CDH18: variants seen among roughly 807,000 people sequenced by gnomAD.
CDH18 encodes the protein cadherin 18, also known as cadherin-18.
CDH18 carries 31 observed loss-of-function variants against 67.9 expected under a neutral mutation model. The observed-to-expected ratio is 0.46, with a 90% CI of 0.34 to 0.62. CDH18 has a LOEUF of 0.62. Ranked by LOEUF, CDH18 falls within the 20% of genes least tolerant of loss-of-function variation. The pLI is 0.01. For synonymous variants in CDH18, 362 were observed against 347.2 expected (o/e 1.04, Z -0.48); for missense variants, 890 against 975.5 (o/e 0.91, Z 1.17).
chr5:19,511,014 G>A (rs1452898604), intron 10 of CDH18, among the ~76,000 whole-genome samples: 1 of 152,072 alleles, frequency 6.6e-6, no homozygotes, highest in Non-Finnish European at 1.5e-5. Context: ...GTTTTGCCAT[G>A]TTGGGCAGGC....
intron 6 of CDH18, among the ~76,000 whole-genome samples, chr5:19,605,500 C>T (rs1316488445): frequency 6.6e-6 from 1 of 151,768 alleles, no homozygotes; most frequent in Non-Finnish European, 1.5e-5. Context: ...ACATAGAATA[C>T]AAATTGATAG....
At chr5:20,460,757 G>C (rs1751208782) in intron 1 of CDH18, among the ~76,000 whole-genome samples, 1 of 152,034 alleles carries the variant, frequency 6.6e-6, no homozygotes, top group African/African-American at 2.4e-5. Flanking sequence ...TGTAAATATG[G>C]CAAAATATTA....
intron 6 of CDH18, among the ~76,000 whole-genome samples, chr5:19,593,619 G>A (rs1312231235): frequency 2.4e-5 from 2 of 82,558 alleles, no homozygotes; most frequent in East Asian, 3.4e-4. Context: ...TCCCCCTCCC[G>A]TTCTTCCTCC....
chr5:19,765,025 T>G (rs1426554027), intron 3 of CDH18, among the ~76,000 whole-genome samples: 1 of 152,210 alleles, frequency 6.6e-6, no homozygotes, highest in African/African-American at 2.4e-5. Flanking sequence ...TTAAATTTTT[T>G]TTGGATTTGT....
intron 12 of CDH18, among the ~76,000 whole-genome samples, chr5:19,482,384 G>A (rs1276442786): frequency 1.3e-5 from 2 of 152,106 alleles, no homozygotes; most frequent in East Asian, 1.9e-4. Context: ...CCAAAGTGCT[G>A]GGATTACAGG....
intron 2 of CDH18, among the ~76,000 whole-genome samples, chr5:19,851,464 C>A (rs1783687031): frequency 6.7e-6 from 1 of 148,656 alleles, no homozygotes; most frequent in Admixed American, 6.7e-5. Context: ...TTCCCTTCTT[C>A]CCTTCTACCT....
rs62352782 is a variant in CDH18, at chr5:20,296,407, G to A, written c.-579-40902C>T. Among the ~76,000 whole-genome samples, 841 of 150,858 alleles carry A rather than the reference G, an allele frequency of 5.6e-3. 9 individuals carry two copies. Among genetic ancestry groups the A allele is most frequent in the South Asian group, 0.012 (55 of 4,768 alleles). On this transcript the variant is annotated intron_variant, in intron 1 of 14. Transcript: ENST00000507958. ...CTCCTGAGTAGCTGGGACTACAGGCGCCCGCCACCACGCCTGGATAATTTT... is the reference window on the plus strand; with the variant it reads ...CTCCTGAGTAGCTGGGACTACAGGCACCCGCCACCACGCCTGGATAATTTT...
intron 1 of CDH18, among the ~76,000 whole-genome samples, chr5:20,318,096 G>C (rs1174670246): frequency 6.6e-6 from 1 of 152,128 alleles, no homozygotes; most frequent in Non-Finnish European, 1.5e-5. Context: ...TGTTTTGTTT[G>C]AATTGTTGCA....
At chr5:19,649,255 TTG>T (rs1202400831) in intron 5 of CDH18, among the ~76,000 whole-genome samples, 1 of 152,122 alleles carries the variant, frequency 6.6e-6, no homozygotes, top group Non-Finnish European at 1.5e-5. Flanking sequence ...TCAATAGTAT[TTG>T]TTTGTCCCTT....
At chr5:20,565,480 A>G (rs1758449726) in intron 1 of CDH18, among the ~76,000 whole-genome samples, 1 of 152,058 alleles carries the variant, frequency 6.6e-6, no homozygotes, top group Non-Finnish European at 1.5e-5. Flanking sequence ...GAATCTCTCC[A>G]TCTTCATTGA....
chr5:19,766,445 T>C (rs1773103822), intron 3 of CDH18, among the ~76,000 whole-genome samples: 1 of 152,174 alleles, frequency 6.6e-6, no homozygotes, highest in Admixed American at 6.5e-5. Flanking sequence ...GGTTCATTCA[T>C]ACATCATACT....
At chr5:19,607,223 C>T (rs1381590346) in intron 6 of CDH18, among the ~76,000 whole-genome samples, 1 of 151,242 alleles carries the variant, frequency 6.6e-6, no homozygotes, top group Non-Finnish European at 1.5e-5. Context: ...GAAGGAAACA[C>T]AGAAATTCAA....
intron 2 of CDH18, among the ~76,000 whole-genome samples, chr5:19,961,100 ATTTT>A (rs564003434): frequency 5.7e-4 from 62 of 109,718 alleles, no homozygotes; most frequent in African/African-American, 1.8e-3. Context: ...CTACATTATA[ATTTT>A]TTTTTTTTTT....
intron 3 of CDH18, among the ~76,000 whole-genome samples, chr5:19,756,449 G>A (rs1444649174): frequency 2.0e-5 from 3 of 152,132 alleles, no homozygotes; most frequent in Admixed American, 1.3e-4. Flanking sequence ...ATATTTTCCT[G>A]GTGGAGTGAC....
rs186701937 is a variant in CDH18 at position 20,245,992 on chromosome 5, T to C, written c.-518+9452A>G. Among the ~76,000 whole-genome samples the C allele has an allele frequency of 2.6e-3, 401 of 152,270 alleles. 1 individual carries two copies. Among genetic ancestry groups the C allele is most frequent in the African/African-American group, 8.5e-3 (353 of 41,578 alleles). ...GTCCTTGTTTTAATGGAGGACCATG[T>C]TGATTGATGGCTAGCTGAAGAAAGA... On this transcript the variant is annotated intron_variant, in intron 2 of 14. Coordinates refer to the CDH18 transcript ENST00000507958.
chr5:20,285,130 C>T (rs1041292906), intron 1 of CDH18, among the ~76,000 whole-genome samples: 6 of 151,408 alleles, frequency 4.0e-5, no homozygotes, highest in Non-Finnish European at 8.9e-5. Context: ...TTGCTGCATG[C>T]ACAAATCAAA....
intron 2 of CDH18, among the ~76,000 whole-genome samples, chr5:20,161,251 T>G (rs1309159704): frequency 1.3e-5 from 2 of 152,230 alleles, no homozygotes; most frequent in Non-Finnish European, 2.9e-5. Flanking sequence ...GCCTGGCTGA[T>G]GCCAACACAG....
intron 2 of CDH18, among the ~76,000 whole-genome samples, chr5:20,035,176 A>C (rs1448906297): frequency 2.0e-5 from 3 of 152,040 alleles, no homozygotes; most frequent in African/African-American, 7.2e-5. Context: ...GTTAGTGAGG[A>C]ATAAACTAGT....
chr5:20,010,428 T>C (rs10077341), intron 2 of CDH18, among the ~76,000 whole-genome samples: 21,717 of 151,824 alleles, frequency 0.14, 3,657 homozygotes, highest in African/African-American at 0.4. Context: ...AGGCTGTTCT[T>C]GAACTCCTGG....
Sources: allele counts gnomAD v4.1 joint callset (sites outside exome capture counted in the v4.1 genomes callset), GRCh38; gene constraint gnomAD v4.1.1; transcripts MANE v1.5; gene names NCBI Gene and HGNC (gene_info 2026-07-23, HGNC 2026-07-21).